Variants in CLMN observed in about 807,000 individuals in gnomAD.
CLMN encodes calmin (calponin-like, transmembrane).
A neutral mutation model predicts 92.7 loss-of-function variants in CLMN; 57 were observed. The observed-to-expected ratio is 0.61, with a 90% CI of 0.50 to 0.77. The LOEUF (loss-of-function observed/expected upper bound fraction) is 0.77, where lower values mean the gene tolerates loss of function less well. CLMN is among the 30% of genes least tolerant of loss of function. The probability of loss-of-function intolerance (pLI) is 0.00; values close to 1 mark genes in which losing one functional copy is unlikely to be tolerated. For synonymous variants in CLMN, 466 were observed against 470.6 expected, an observed-to-expected ratio of 0.99 and a Z score of 0.13; for missense variants, 1,158 against 1,237.5, an observed-to-expected ratio of 0.94 and a Z score of 0.96.
At chr14:95,197,410 AAAG>A (rs930072628) in intron 9 of CLMN, among the ~76,000 whole-genome samples, 20 of 146,218 alleles carry the variant, frequency 1.4e-4, no homozygotes, top group Non-Finnish European at 2.1e-4. Flanking sequence ...AGAAAAAAAG[AAAG>A]AAAGAAAGAA....
intron 1 of CLMN, among the ~76,000 whole-genome samples, chr14:95,273,939 T>G (rs1343425229): frequency 1.3e-5 from 2 of 152,170 alleles, no homozygotes; most frequent in Non-Finnish European, 2.9e-5. Flanking sequence ...CAGCCTGCAC[T>G]TGGAAACTCA....
chr14:95,197,235 T>C (rs1045295593), intron 9 of CLMN, among the ~76,000 whole-genome samples: 5 of 147,998 alleles, frequency 3.4e-5, no homozygotes, highest in East Asian at 2.0e-4. Flanking sequence ...GATGACACAG[T>C]GAGACCCTGT....
chr14:95,305,715 GAA>G (rs1352496586), intron 1 of CLMN, among the ~76,000 whole-genome samples: 1 of 152,182 alleles, frequency 6.6e-6, no homozygotes, highest in African/African-American at 2.4e-5. Flanking sequence ...CATAATGGAT[GAA>G]AAGAGACCAG....
chr14:95,254,833 G>C (rs1377819416), intron 1 of CLMN, among the ~76,000 whole-genome samples: 3 of 152,164 alleles, frequency 2.0e-5, no homozygotes, highest in African/African-American at 7.2e-5. Flanking sequence ...CCAGTAGCCA[G>C]GTGTGTGCCA....
intron 1 of CLMN, among the ~76,000 whole-genome samples, chr14:95,262,741 AT>A (rs1400513326): frequency 6.6e-6 from 1 of 151,676 alleles, no homozygotes; most frequent in East Asian, 1.9e-4. Context: ...TAATTTTTGT[AT>A]TTTTTCTAGA....
intron 1 of CLMN, among the ~76,000 whole-genome samples, chr14:95,301,299 C>T (rs572893802): frequency 2.0e-5 from 3 of 152,342 alleles, no homozygotes; most frequent in Admixed American, 1.3e-4. Flanking sequence ...CTTCATTTGC[C>T]TATTACCCTA....
At chr14:95,268,794 C>CTTTTTTTT (rs985091508) in intron 1 of CLMN, among the ~76,000 whole-genome samples, 1 of 63,112 alleles carries the variant, frequency 1.6e-5, no homozygotes, top group Non-Finnish European at 2.9e-5. Flanking sequence ...CTCTCTCTCT[C>CTTTTTTTT]TTTTTTTTTT....
chr14:95,227,637 C>T lies in CLMN; in HGVS notation c.144+2435G>A, dbSNP rs529289780. Among the ~76,000 whole-genome samples, 400 of 152,340 alleles carry T rather than the reference C, an allele frequency of 2.6e-3. 3 individuals are homozygous for T. Among genetic ancestry groups the T allele is most frequent in the African/African-American group, 9.4e-3 (391 of 41,574 alleles). On this transcript the variant is annotated intron_variant, in intron 2 of 12. Transcript: ENST00000298912. ...GCCTCAGCAGCAGCAGCAAACAGGG[C>T]CTTGGCCGGAGTCCATCCTGCGAGA...
chr14:95,194,473 G>C lies in CLMN; in HGVS notation c.2769+63C>G. On this transcript the variant is annotated intron_variant, in intron 11 of 12. Coordinates refer to ENST00000298912, the MANE Select transcript of CLMN (RefSeq NM_024734.4). The surrounding 1 kb of genome is among the most constrained non-coding windows in gnomAD (Gnocchi z 4.0). ...TTCAAAGCTCTGGGCTGGGGAGGAG[G>C]AAGGATGGAAAGGAATTGATTAGCA... 1 of 1,612,828 alleles carries C rather than the reference G, an allele frequency of 6.2e-7. No individual in the cohort carries two copies. Among genetic ancestry groups the C allele is most frequent in the Non-Finnish European group, 8.5e-7 (1 of 1,179,038 alleles).
chr14:95,203,002 A>G lies in CLMN; in HGVS notation c.2347T>C (p.Ser783Pro), dbSNP rs1896929137. Residue 783 changes from serine (S) to proline (P), a missense_variant, in exon 9 of 13, where the codon TCC (serine) becomes CCC (proline). By Grantham distance (74) the Ser-to-Pro change is moderately conservative. Transcript: ENST00000298912. ...GGGAGGCTCTCTCCTGGCACCGAGGAACTGGAGCTGCTCTGAGAGCCATCG... is the reference window on the plus strand; with the variant it reads ...GGGAGGCTCTCTCCTGGCACCGAGGGACTGGAGCTGCTCTGAGAGCCATCG... ...EADGSQSSSS[S>P]SVPGESLPSA... The G allele has an allele frequency of 6.2e-7, 1 of 1,613,974 alleles. No homozygotes were observed. The highest frequency in any genetic ancestry group is 1.3e-5 in the African/African-American group (1 of 74,908).
At chr14:95,309,539 G>A (rs1167139102) in intron 1 of CLMN, among the ~76,000 whole-genome samples, 3 of 152,190 alleles carry the variant, frequency 2.0e-5, no homozygotes, top group African/African-American at 4.8e-5. Context: ...ATGACACAAC[G>A]ACACCACCTT....
At chr14:95,251,975 C>A (rs914398325) in intron 1 of CLMN, among the ~76,000 whole-genome samples, 1 of 152,144 alleles carries the variant, frequency 6.6e-6, no homozygotes, top group African/African-American at 2.4e-5. Context: ...GAAGGATTAG[C>A]GAGGCAAAGC....
intron 6 of CLMN, among the ~76,000 whole-genome samples, chr14:95,212,908 C>T (rs571242712): frequency 1.1e-3 from 163 of 151,940 alleles, no homozygotes; most frequent in Non-Finnish European, 1.6e-3. Flanking sequence ...GCCTCAGCCT[C>T]CCGAGTAGCT....
intron 1 of CLMN, among the ~76,000 whole-genome samples, chr14:95,300,256 T>C (rs1237128614): frequency 6.6e-6 from 1 of 152,180 alleles, no homozygotes; most frequent in Non-Finnish European, 1.5e-5. Context: ...AGTGTGACAA[T>C]GAAGTGGCAC....
At chr14:95,236,193 G>A (rs1175902962) in intron 1 of CLMN, among the ~76,000 whole-genome samples, 1 of 152,214 alleles carries the variant, frequency 6.6e-6, no homozygotes, top group African/African-American at 2.4e-5. Context: ...TTAGGAACAT[G>A]GCCGCTCAGT....
In CLMN at chr14:95,196,562, G is replaced by C; in HGVS notation, c.2644C>G (p.Pro882Ala). Residue 882 changes from proline to alanine, a missense_variant, in exon 10 of 13, where the codon CCA becomes GCA. Physicochemically the swap from Pro to Ala is conservative, Grantham distance 27. Coordinates refer to ENST00000298912, the MANE Select transcript of CLMN (RefSeq NM_024734.4). ...TCATCTGAGGATTGAACACTTCCTG[G>C]TGCTACAAATAGTGAACTTTCTACG... ...DHVESSLFVA[P>A]GSVQSSDDLE... The C allele has an allele frequency of 6.2e-7, 1 of 1,614,218 alleles. No homozygotes were observed. The highest frequency in any genetic ancestry group is 1.3e-5 in the African/African-American group (1 of 75,054).
intron 1 of CLMN, among the ~76,000 whole-genome samples, chr14:95,309,068 G>A (rs1324555281): frequency 1.3e-5 from 2 of 152,182 alleles, no homozygotes; most frequent in African/African-American, 4.8e-5. Context: ...GGAGGGAGAG[G>A]GAGGCTAGGG....
Position 95,191,556 on chromosome 14 carries a change from C to T in CLMN, c.*8G>A, listed in dbSNP as rs1896560862. 5.6e-6 allele frequency: 9 copies of T among 1,606,910 alleles called. No individual in the cohort carries two copies. Among genetic ancestry groups the T allele is most frequent in the East Asian group, 4.5e-5 (2 of 44,562 alleles). On this transcript the variant is annotated 3_prime_UTR_variant, in exon 13 of 13. Coordinates refer to ENST00000298912, the MANE Select transcript of CLMN (RefSeq NM_024734.4). The surrounding 1 kb of genome is among the most constrained non-coding windows in gnomAD (Gnocchi z 5.3). ...GGTCCTGTCTTTTTTATTATCCAGA[C>T]ACACGTATCAGAGCCTGCTAACATC...
Position 95,303,184 on chromosome 14 carries a change from G to A in CLMN, c.82+16527C>T, listed in dbSNP as rs558816886. The stretch of plus-strand genomic sequence containing the variant: ...CACCAGCCAGTTCTCCCCTCAGGGA[G>A]CCTGTGGCTTTGGGCTTGAGGAGGT... On this transcript the variant is annotated intron_variant, in intron 1 of 12. Coordinates refer to ENST00000298912, the MANE Select transcript of CLMN (RefSeq NM_024734.4). Among the ~76,000 whole-genome samples the A allele has an allele frequency of 2.0e-5, 3 of 152,354 alleles. No homozygotes were observed. The South Asian group carries it at 6.2e-4, about 32-fold the overall frequency.
Sources: gnomAD v4.1 joint callset for allele counts (sites outside exome capture counted in the v4.1 genomes callset) on GRCh38, gnomAD v4.1.1 for gene constraint, Gnocchi (gnomAD v3.1) non-coding constraint, MANE v1.5 for transcripts, NCBI Gene and HGNC (gene_info 2026-07-23, HGNC 2026-07-21) for gene names.